TTC21B: variants seen among roughly 807,000 people sequenced by gnomAD.
TTC21B encodes the protein tetratricopeptide repeat domain 21B, also known as tetratricopeptide repeat protein 21B.
In TTC21B, 127 loss-of-function variants were observed where a neutral mutation model predicts 175.1. That is an observed-to-expected ratio of 0.73 (90% CI 0.63 to 0.84). The LOEUF is 0.84. Among genes scored for constraint, TTC21B ranks in the 40% least tolerant of loss-of-function variants. The pLI is 0.00. For missense variants in TTC21B, 1,561 were observed against 1,558.3 expected, an observed-to-expected ratio of 1.00 and a Z score of -0.03; for synonymous variants, 524 against 524.5, an observed-to-expected ratio of 1.00 and a Z score of 0.01.
chr2:165,916,598 G>A (rs1055166597), intron 14 of TTC21B, among the ~76,000 whole-genome samples: 8 of 152,102 alleles, frequency 5.3e-5, no homozygotes, highest in African/African-American at 1.9e-4. Flanking sequence ...TAGTTCTGGA[G>A]TGTGCATAAA....
intron 3 of TTC21B, chr2:165,947,663 C>T (rs954866859): frequency 3.9e-5 from 6 of 152,118 alleles, no homozygotes; most frequent in Admixed American, 6.5e-5. Flanking sequence ...GCTCTAACAC[C>T]GTCTGCACAA....
intron 26 of TTC21B, among the ~76,000 whole-genome samples, chr2:165,882,823 A>C (rs1684879990): frequency 6.6e-6 from 1 of 152,176 alleles, no homozygotes; most frequent in African/African-American, 2.4e-5. Flanking sequence ...ATTCTCATGC[A>C]ATCTTGGTTA....
Position 165,884,167 on chromosome 2 carries a change from A to C in TTC21B, c.3460-149T>G, listed in dbSNP as rs1044294407. ...TAACTGTGATTACAGGTCATTATTT[A>C]ACACATCAAGTACCCTCAAGCTACT... On this transcript the variant is annotated intron_variant, in intron 25 of 28. Transcript: ENST00000243344. 4 of 730,490 alleles carry C rather than the reference A, an allele frequency of 5.5e-6. No homozygotes were observed. The African/African-American group carries it at 7.0e-5, about 13-fold the overall frequency. The allele number at this position is 730,490 out of a possible 1,614,324, so 45.3% of individuals were successfully genotyped here.
At chr2:165,876,255 A>G in intron 27 of TTC21B, 23 bp from the exon 28 acceptor site, 1 of 1,420,896 alleles carries the variant, frequency 7.0e-7, no homozygotes, top group Non-Finnish European at 9.9e-7. Flanking sequence ...AAACCATAAA[A>G]CAGAATGATG....
At chr2:165,884,737 T>C (rs1294292405) in intron 25 of TTC21B, among the ~76,000 whole-genome samples, 1 of 152,212 alleles carries the variant, frequency 6.6e-6, no homozygotes, top group Admixed American at 6.6e-5. Context: ...AATAGGTTAA[T>C]GAGAACTCAT....
intron 3 of TTC21B, 27 bp downstream of exon 3, chr2:165,949,367 C>A: frequency 6.6e-7 from 1 of 1,511,532 alleles, no homozygotes; most frequent in Middle Eastern, 1.7e-4. Flanking sequence ...GAAAAAATGT[C>A]CTAAGCATTG....
rs76641625 is a variant in TTC21B at position 165,943,749 on chromosome 2, C to G, written c.430-408G>C. Among the ~76,000 whole-genome samples the G allele has an allele frequency of 9.5e-3, 1,448 of 152,128 alleles. 22 individuals are homozygous for G. Among genetic ancestry groups the G allele is most frequent in the African/African-American group, 0.033 (1,356 of 41,532 alleles). On this transcript the variant is annotated intron_variant, in intron 4 of 28. Coordinates refer to ENST00000243344, the MANE Select transcript of TTC21B (RefSeq NM_024753.5). Reference sequence around the variant, plus strand: ...AACTAAGATGAAATAACAGAAGAAGCCTTGCTTCACATATCTTAAAGATTC... The same window carrying G: ...AACTAAGATGAAATAACAGAAGAAGGCTTGCTTCACATATCTTAAAGATTC...
Position 165,949,389 on chromosome 2 carries a change from C to T in TTC21B, c.262+5G>A. ...TGTCCTAAGCATTGCATTTAAATATCATACCTGGATTAGGACTCATTTTAT... is the reference window on the plus strand; with the variant it reads ...TGTCCTAAGCATTGCATTTAAATATTATACCTGGATTAGGACTCATTTTAT... On this transcript the variant is annotated splice_donor_5th_base_variant and intron_variant, in intron 3 of 28. Transcript: ENST00000243344. The T allele has an allele frequency of 6.3e-7, 1 of 1,594,460 alleles. No homozygotes were observed. Among genetic ancestry groups the T allele is most frequent in the Non-Finnish European group, 8.6e-7 (1 of 1,162,252 alleles).
rs776301212 is a variant in TTC21B, at chr2:165,930,171, C to T, written c.1087+1G>A. 12 of 1,611,350 alleles carry T rather than the reference C, an allele frequency of 7.4e-6. No homozygotes were observed. The highest frequency in any genetic ancestry group is 9.3e-6 in the Non-Finnish European group (11 of 1,178,022). ...AATATTTATGAAAACAGTTGTCATA[C>T]CAACTAGGGCAGACACACTAGTCTC... On this transcript the variant is annotated splice_donor_variant, in intron 9 of 28. Transcript: ENST00000243344. LOFTEE classifies it high-confidence loss of function.
chr2:165,905,063 C>G (rs1395973614), intron 19 of TTC21B, among the ~76,000 whole-genome samples: 1 of 152,048 alleles, frequency 6.6e-6, no homozygotes, highest in Non-Finnish European at 1.5e-5. Context: ...GTGTCTGATA[C>G]TGAAATAAAA....
intron 25 of TTC21B, among the ~76,000 whole-genome samples, chr2:165,885,440 T>G (rs1407026759): frequency 6.6e-6 from 1 of 152,208 alleles, no homozygotes; most frequent in Non-Finnish European, 1.5e-5. Flanking sequence ...AATCTGTTCC[T>G]CTAGGTAAGG....
chr2:165,923,942 G>A (rs1359423473), intron 12 of TTC21B, among the ~76,000 whole-genome samples: 3 of 151,544 alleles, frequency 2.0e-5, no homozygotes, highest in Non-Finnish European at 4.4e-5. Context: ...TTGTAGAGAT[G>A]AGGTTTCTCC....
At chr2:165,912,705 A>G (rs1339976806) in intron 16 of TTC21B, 81 bp from the exon 17 acceptor site, 3 of 988,868 alleles carry the variant, frequency 3.0e-6, no homozygotes, top group Non-Finnish European at 4.9e-6. Context: ...TCTATAATTA[A>G]TCTCTACATT....
rs1171024760 is a variant in TTC21B at position 165,919,429 on chromosome 2, A to G, written c.1521T>C (p.Asp507=). ...GAAGGTTATTGAAAGCTGCTTCAATATCACCTAATAAGAAAAACAATGCAT... is the reference window on the plus strand; with the variant it reads ...GAAGGTTATTGAAAGCTGCTTCAATGTCACCTAATAAGAAAAACAATGCAT... ...LIAKVKYLSG[D]IEAAFNNLQH... Residue 507 remains aspartate, a synonymous_variant, in exon 13 of 29, where the codon GAT becomes GAC. Transcript: ENST00000243344. 4 of 1,613,868 alleles carry G rather than the reference A, an allele frequency of 2.5e-6. No individual in the cohort carries two copies. Among genetic ancestry groups the G allele is most frequent in the African/African-American group, 1.3e-5 (1 of 74,938 alleles).
rs754946168 is a variant in TTC21B, at chr2:165,888,487, A to T, written c.3264-13T>A. 2.5e-6 allele frequency: 4 copies of T among 1,593,058 alleles called. No homozygotes were observed. The highest frequency in any genetic ancestry group is 2.6e-6 in the Non-Finnish European group (3 of 1,162,928). ...CTCAGTTGAATTACTGTATATAATTAAAAATAAATCACTTCTGTCTCTTAC... is the reference window on the plus strand; with the variant it reads ...CTCAGTTGAATTACTGTATATAATTTAAAATAAATCACTTCTGTCTCTTAC... On this transcript the variant is annotated splice_polypyrimidine_tract_variant and intron_variant, in intron 24 of 28. Coordinates refer to ENST00000243344, the MANE Select transcript of TTC21B (RefSeq NM_024753.5).
At chr2:165,922,877 T>C (rs977355630) in intron 12 of TTC21B, among the ~76,000 whole-genome samples, 11 of 152,286 alleles carry the variant, frequency 7.2e-5, no homozygotes, top group African/African-American at 2.2e-4. Context: ...ATGTGGTCTA[T>C]ATATACACCA....
intron 22 of TTC21B, among the ~76,000 whole-genome samples, chr2:165,896,718 G>A (rs1685378007): frequency 6.6e-6 from 1 of 152,146 alleles, no homozygotes; most frequent in Non-Finnish European, 1.5e-5. Flanking sequence ...AAACAAAAAG[G>A]CTCAAGGCTG....
chr2:165,883,460 C>T (rs1053153982), intron 26 of TTC21B, among the ~76,000 whole-genome samples: 7 of 152,106 alleles, frequency 4.6e-5, no homozygotes, highest in Non-Finnish European at 7.3e-5. Flanking sequence ...GACAGACGTC[C>T]GCAATTAATG....
intron 6 of TTC21B, among the ~76,000 whole-genome samples, chr2:165,936,718 G>T (rs529146009): frequency 6.6e-6 from 1 of 151,908 alleles, no homozygotes; most frequent in Non-Finnish European, 1.5e-5. Flanking sequence ...TCAGGGAAAC[G>T]CAAATTAAAA....
Sources: allele counts gnomAD v4.1 joint callset (sites outside exome capture counted in the v4.1 genomes callset), GRCh38; gene constraint gnomAD v4.1.1; transcripts MANE v1.5; gene names NCBI Gene and HGNC (gene_info 2026-07-23, HGNC 2026-07-21).